ACACB: variants seen among roughly 807,000 people sequenced by gnomAD.
The protein encoded by ACACB is acetyl-CoA carboxylase beta, also known as acetyl-CoA carboxylase 2.
Under a neutral mutation model 278.8 loss-of-function variants are expected in ACACB, and 209 were observed. The ratio of observed to expected loss-of-function variants is 0.75; its 90% CI spans 0.67 to 0.84. The LOEUF (loss-of-function observed/expected upper bound fraction) is 0.84. Ranked by LOEUF, ACACB falls within the 40% of genes least tolerant of loss-of-function variation. ACACB has a pLI of 0.00. For synonymous variants in ACACB, 1,174 were observed against 1,285.6 expected, an observed-to-expected ratio of 0.91 and a Z score of 1.86; for missense variants, 2,850 against 3,269.0, an observed-to-expected ratio of 0.87 and a Z score of 3.13.
intron 19 of ACACB, among the ~76,000 whole-genome samples, chr12:109,205,116 A>G (rs766268159): frequency 5.9e-5 from 9 of 152,164 alleles, no homozygotes; most frequent in Non-Finnish European, 1.2e-4. Context: ...GGCCTCCCAA[A>G]ATGCTGGGAT....
rs1254372779 is a variant in ACACB at position 109,264,371 on chromosome 12, G to A, written c.6927G>A (p.Glu2309=). The A allele has an allele frequency of 1.9e-6, 3 of 1,613,868 alleles. No individual in the cohort carries two copies. The highest frequency in any genetic ancestry group is 4.5e-5 in the East Asian group (2 of 44,880). Residue 2309 remains glutamate, a synonymous_variant, in exon 50 of 53, where the codon GAG becomes GAA. Transcript: ENST00000338432. ...DFHDTPGRML[E]KGVISDILEW... Reference sequence around the variant, plus strand: ...ATGACACACCCGGCCGGATGCTGGAGAAGGGCGTCATATCTGTGAGAGCCA... The same window carrying A: ...ATGACACACCCGGCCGGATGCTGGAAAAGGGCGTCATATCTGTGAGAGCCA...
At chr12:109,123,756 C>T (rs968493689) in intron 1 of ACACB, among the ~76,000 whole-genome samples, 2 of 36 alleles carry the variant, frequency 0.056, no homozygotes, top group African/African-American at 0.12. Context: ...GGCACAATCT[C>T]GGCTCACTTG....
intron 2 of ACACB, among the ~76,000 whole-genome samples, chr12:109,159,858 G>C (rs1056862557): frequency 1.3e-5 from 2 of 152,076 alleles, no homozygotes; most frequent in Non-Finnish European, 2.9e-5. Context: ...GGGAGGCCAA[G>C]GTGGGCAGAT....
At chr12:109,163,487 G>GA (rs1390175299) in intron 2 of ACACB, among the ~76,000 whole-genome samples, 2 of 152,124 alleles carry the variant, frequency 1.3e-5, no homozygotes, top group East Asian at 3.9e-4. Context: ...ATGAGGCTGA[G>GA]AAAAATCAAC....
intron 37 of ACACB, among the ~76,000 whole-genome samples, chr12:109,245,322 A>G (rs536215074): frequency 6.6e-6 from 1 of 152,260 alleles, no homozygotes; most frequent in South Asian, 2.1e-4. Flanking sequence ...AGGACTGGGT[A>G]GGCACTGAAT....
intron 20 of ACACB, among the ~76,000 whole-genome samples, chr12:109,207,868 C>CG (rs2045567710): frequency 6.6e-6 from 1 of 151,944 alleles, no homozygotes; most frequent in African/African-American, 2.4e-5. Flanking sequence ...TTAGTAGAGA[C>CG]GGGGTTCTAC....
rs550528843 is a variant in ACACB at position 109,172,492 on chromosome 12, A to G, written c.1117+136A>G. On this transcript the variant is annotated intron_variant, in intron 6 of 52. Transcript: ENST00000338432. ...CCCACCTCACACTTCTGTCGTGAGG[A>G]GTGAGTGAGTCCCAGGGTGGAAGGG... 3 of 738,506 alleles carry G rather than the reference A, an allele frequency of 4.1e-6. No individual in the cohort carries two copies. In the Admixed American group the frequency reaches 7.8e-5, roughly 19 times the overall value. 45.7% of individuals were successfully genotyped at this position (738,506 alleles called of 1,614,324 possible). A position where few individuals can be genotyped will look rare whatever the true frequency, so the allele number is the denominator to read the frequency against.
chr12:109,148,963 C>T (rs762272038), intron 2 of ACACB, among the ~76,000 whole-genome samples: 12 of 152,070 alleles, frequency 7.9e-5, no homozygotes, highest in Admixed American at 2.6e-4. Context: ...TGCATTTTAA[C>T]AATGTATAAT....
intron 50 of ACACB, 52 bp from the exon 51 acceptor site, chr12:109,265,058 T>C: frequency 6.4e-7 from 1 of 1,558,974 alleles, no homozygotes; most frequent in Non-Finnish European, 8.7e-7. Context: ...TCAGAGCCAG[T>C]GTCCCGTCTC....
chr12:109,180,882 T>A (rs972555937), intron 11 of ACACB, among the ~76,000 whole-genome samples: 2 of 152,220 alleles, frequency 1.3e-5, no homozygotes, highest in Admixed American at 1.3e-4. Context: ...TTGACTGTAG[T>A]CACCCTGTTG....
chr12:109,140,643 C>T (rs867794277), intron 2 of ACACB, among the ~76,000 whole-genome samples: 3 of 152,060 alleles, frequency 2.0e-5, no homozygotes, highest in Non-Finnish European at 2.9e-5. Context: ...GGTGACAGGG[C>T]GAGACCTTGT....
At chr12:109,119,769 C>G (rs2042496676) in intron 1 of ACACB, among the ~76,000 whole-genome samples, 3 of 152,040 alleles carry the variant, frequency 2.0e-5, no homozygotes, top group Admixed American at 2.0e-4. Context: ...TGGTGGTGCG[C>G]CTGTAATCCC....
At chr12:109,242,293 A>T in intron 36 of ACACB, 144 bp from the exon 37 acceptor site, 1 of 863,348 alleles carries the variant, frequency 1.2e-6, no homozygotes, top group Non-Finnish European at 1.8e-6. Flanking sequence ...AGGGAGTTTT[A>T]CGTAGCCCAG....
At chr12:109,205,625 T>C (rs575831982) in intron 19 of ACACB, among the ~76,000 whole-genome samples, 2 of 151,914 alleles carry the variant, frequency 1.3e-5, no homozygotes, top group Non-Finnish European at 2.9e-5. Context: ...AATTTTTGTG[T>C]GTATTTTTAG....
intron 35 of ACACB, 22 bp downstream of exon 35, chr12:109,240,007 T>C: frequency 1.2e-6 from 2 of 1,608,468 alleles, no homozygotes; most frequent in Non-Finnish European, 1.7e-6. Flanking sequence ...GCAGGGGGGC[T>C]CTCACCGGGC....
At chr12:109,264,454 T>TG in intron 50 of ACACB, 68 bp downstream of exon 50, 7 of 1,438,160 alleles carry the variant, frequency 4.9e-6, no homozygotes, top group Middle Eastern at 2.0e-4. Context: ...GGAGGACATT[T>TG]GGGCTCGGGG....
Position 109,176,269 on chromosome 12 carries a change from C to G in ACACB, c.1437+6C>G. The G allele has an allele frequency of 6.2e-7, 1 of 1,610,910 alleles. No individual in the cohort carries two copies. Among genetic ancestry groups the G allele is most frequent in the Non-Finnish European group, 8.5e-7 (1 of 1,177,054 alleles). On this transcript the variant is annotated splice_donor_region_variant and intron_variant, in intron 9 of 52. Transcript: ENST00000338432. The stretch of plus-strand genomic sequence containing the variant: ...TCCCGATCCTTTTCAGACAAGTGAG[C>G]AGTTCTTGCTGTGTCTTTTCGCATC...
At chr12:109,227,521 G>A in intron 28 of ACACB, 32 bp downstream of exon 28, 1 of 1,599,112 alleles carries the variant, frequency 6.3e-7, no homozygotes, top group Non-Finnish European at 8.6e-7. Context: ...GGGACGGCCT[G>A]TGTTTCTGTT....
intron 34 of ACACB, among the ~76,000 whole-genome samples, chr12:109,239,124 C>A (rs2046721714): frequency 6.6e-6 from 1 of 150,400 alleles, no homozygotes; most frequent in Non-Finnish European, 1.5e-5. Flanking sequence ...ACCATGTTGG[C>A]CAGGCTGGTC....
Sources: allele counts gnomAD v4.1 joint callset (sites outside exome capture counted in the v4.1 genomes callset), GRCh38; gene constraint gnomAD v4.1.1; transcripts MANE v1.5; gene names NCBI Gene and HGNC (gene_info 2026-07-23, HGNC 2026-07-21).